PDE1A: variants seen among roughly 807,000 people sequenced by gnomAD.
PDE1A encodes phosphodiesterase 1A.
In PDE1A, 35 loss-of-function variants were observed where a neutral mutation model predicts 61.7. That is an observed-to-expected ratio of 0.57 (90% CI 0.43 to 0.75). PDE1A has a LOEUF of 0.75. Among genes scored for constraint, PDE1A ranks in the 30% least tolerant of loss-of-function variants. The probability of loss-of-function intolerance (pLI) is 0.00; values close to 1 mark genes in which losing one functional copy is unlikely to be tolerated. For synonymous variants in PDE1A, 232 were observed against 213.2 expected (o/e 1.09, Z -0.77); for missense variants, 597 against 630.6 (o/e 0.95, Z 0.57).
downstream of PDE1A, among the ~76,000 whole-genome samples, chr2:182,164,090 C>T (rs1691525005): frequency 6.6e-6 from 1 of 151,938 alleles, no homozygotes; most frequent in South Asian, 2.1e-4. Flanking sequence ...GAACTACCTA[C>T]CATTAACTGG....
At chr2:182,590,857 T>C in the PDE1A span, among the ~76,000 whole-genome samples, 1 of 152,200 alleles carries the variant, frequency 6.6e-6, no homozygotes, top group African/African-American at 2.4e-5. Context: ...GGAAATGACT[T>C]GCCTACTAGC....
At chr2:182,542,934 T>A in the PDE1A span, among the ~76,000 whole-genome samples, 1 of 152,122 alleles carries the variant, frequency 6.6e-6, no homozygotes, top group African/African-American at 2.4e-5. Context: ...GAAATTAGAG[T>A]GTATGTACAT....
the PDE1A span, among the ~76,000 whole-genome samples, chr2:182,695,524 G>A: frequency 6.6e-6 from 1 of 151,934 alleles, no homozygotes; most frequent in Non-Finnish European, 1.5e-5. Flanking sequence ...AAAATTAGCT[G>A]GGCGCGGTGG....
At chr2:182,412,770 A>C (rs2125530783) in intron 1 of PDE1A, among the ~76,000 whole-genome samples, 1 of 152,318 alleles carries the variant, frequency 6.6e-6, no homozygotes, top group South Asian at 2.1e-4. Flanking sequence ...TTATTCTCTA[A>C]TTCTATGGAT....
the PDE1A span, among the ~76,000 whole-genome samples, chr2:182,627,232 T>TATAAA: frequency 3.5e-5 from 2 of 57,300 alleles, no homozygotes; most frequent in African/African-American, 1.5e-4. Flanking sequence ...AATATATTAT[T>TATAAA]TATATATAAA....
At chr2:182,181,499 T>G (rs1435883273) in intron 13 of PDE1A, among the ~76,000 whole-genome samples, 1 of 152,192 alleles carries the variant, frequency 6.6e-6, no homozygotes, top group African/African-American at 2.4e-5. Context: ...TATTGATCCC[T>G]GTTGGGAGGT....
At chr2:182,573,355 A>G in the PDE1A span, among the ~76,000 whole-genome samples, 1 of 152,188 alleles carries the variant, frequency 6.6e-6, no homozygotes, top group Non-Finnish European at 1.5e-5. Flanking sequence ...AATAGAGGAC[A>G]GAGAGAAACA....
the PDE1A span, among the ~76,000 whole-genome samples, chr2:182,627,989 A>T: frequency 6.6e-6 from 1 of 151,910 alleles, no homozygotes; most frequent in African/African-American, 2.4e-5. Context: ...AGAAAAAATT[A>T]ATTCAAATTA....
chr2:182,562,523 G>A, the PDE1A span, among the ~76,000 whole-genome samples: 2 of 151,436 alleles, frequency 1.3e-5, no homozygotes, highest in South Asian at 2.1e-4. Flanking sequence ...TCTCTTTTTT[G>A]GTTGTGTCTC....
At chr2:182,667,772 A>T in the PDE1A span, among the ~76,000 whole-genome samples, 2 of 152,060 alleles carry the variant, frequency 1.3e-5, no homozygotes, top group Non-Finnish European at 2.9e-5. Flanking sequence ...AAGACAGAAC[A>T]ATGTCAATGT....
chr2:182,236,600 A>G (rs1049737870), intron 3 of PDE1A, among the ~76,000 whole-genome samples: 14 of 152,222 alleles, frequency 9.2e-5, no homozygotes, highest in African/African-American at 3.4e-4. Context: ...TTTGGAAACT[A>G]TTTAATGTCA....
At chr2:182,264,887 A>ATATATATATATATATATATG (rs1692513018) in intron 1 of PDE1A, among the ~76,000 whole-genome samples, 4 of 141,394 alleles carry the variant, frequency 2.8e-5, no homozygotes, top group Non-Finnish European at 6.1e-5. Context: ...ACATATATAT[A>ATATATATATATATATATATG]TATATGTATA....
chr2:182,594,627 C>CA, the PDE1A span, among the ~76,000 whole-genome samples: 1 of 152,160 alleles, frequency 6.6e-6, no homozygotes, highest in Non-Finnish European at 1.5e-5. Context: ...AATGAATTTC[C>CA]AAAAATAATT....
At position 182,271,188 on chromosome 2, in the gene PDE1A, A is replaced by C. The variant is rs546466426; in HGVS notation, c.54-6774T>G. Among the ~76,000 whole-genome samples the C allele has an allele frequency of 1.2e-4, 18 of 150,484 alleles. No homozygotes were observed. In the East Asian group the frequency reaches 3.1e-3, roughly 26 times the overall value. On this transcript the variant is annotated intron_variant, in intron 1 of 13. Transcript: ENST00000351439. ...GACTTTTAGGTACCTTTACCACCAA[A>C]AAAAAAAAAAAAAGCTACCTATGTG...
intron 2 of PDE1A, among the ~76,000 whole-genome samples, chr2:182,443,629 C>A (rs890796751): frequency 6.6e-6 from 1 of 151,900 alleles, no homozygotes; most frequent in Admixed American, 6.6e-5. Flanking sequence ...TTCGTATGGC[C>A]TCCCCAGCCA....
chr2:182,142,040 CTG>C (rs907841074), downstream of PDE1A: 74 of 151,952 alleles, frequency 4.9e-4, no homozygotes, highest in African/African-American at 1.7e-3. Flanking sequence ...CAGTTTGTTT[CTG>C]TGTAGTAAAA....
At chr2:182,345,760 C>A (rs973546165) in intron 1 of PDE1A, among the ~76,000 whole-genome samples, 2 of 152,172 alleles carry the variant, frequency 1.3e-5, no homozygotes, top group East Asian at 3.9e-4. Context: ...TGCTCCATCT[C>A]TTTCTCATCA....
the PDE1A span, among the ~76,000 whole-genome samples, chr2:182,664,520 T>C: frequency 6.6e-6 from 1 of 152,198 alleles, no homozygotes; most frequent in Non-Finnish European, 1.5e-5. Context: ...GAAACTCCAC[T>C]ATCTTGTTAT....
intron 1 of PDE1A, among the ~76,000 whole-genome samples, chr2:182,396,323 G>A (rs1236761916): frequency 6.6e-6 from 1 of 152,236 alleles, no homozygotes; most frequent in Non-Finnish European, 1.5e-5. Flanking sequence ...CAGTGCACCT[G>A]GTTGTGCACT....
Sources: gnomAD v4.1 joint callset for allele counts (sites outside exome capture counted in the v4.1 genomes callset) on GRCh38, gnomAD v4.1.1 for gene constraint, MANE v1.5 for transcripts, NCBI Gene and HGNC (gene_info 2026-07-23, HGNC 2026-07-21) for gene names.